The following COX10 variants were observed in gnomAD, a reference collection of about 807,000 sequenced individuals.
COX10 encodes the protein cytochrome c oxidase assembly factor heme A:farnesyltransferase COX10.
In COX10, 27 loss-of-function variants were observed where a neutral mutation model predicts 37.3. The observed-to-expected ratio is 0.72, with a 90% CI of 0.53 to 1.00. The LOEUF (loss-of-function observed/expected upper bound fraction) is 1.00, where lower values mean the gene tolerates loss of function less well. Among genes scored for constraint, COX10 ranks in the 50% least tolerant of loss-of-function variants. COX10 has a pLI of 0.00. For synonymous variants in COX10, 222 were observed against 229.1 expected (o/e 0.97, Z 0.28); for missense variants, 475 against 563.2 (o/e 0.84, Z 1.59).
intron 4 of COX10, 54 bp downstream of exon 4, chr17:14,102,296 C>A: frequency 6.2e-7 from 1 of 1,607,584 alleles, no homozygotes. Context: ...TCCTAGATGG[C>A]TGTATTGTCA....
In COX10 at chr17:14,207,288, A is replaced by G; in HGVS notation, c.*75A>G. On this transcript the variant is annotated 3_prime_UTR_variant, in exon 7 of 7. Coordinates refer to ENST00000261643, the MANE Select transcript of COX10 (RefSeq NM_001303.4). Reference sequence around the variant, plus strand: ...GTTGTGGTAATTCTGGAACACAAGAAGAGAAATTGCTGGGTTTAGAACAAG... The same window carrying G: ...GTTGTGGTAATTCTGGAACACAAGAGGAGAAATTGCTGGGTTTAGAACAAG... The G allele has an allele frequency of 2.1e-6, 3 of 1,452,302 alleles. No homozygotes were observed. Among genetic ancestry groups the G allele is most frequent in the Non-Finnish European group, 2.7e-6 (3 of 1,104,574 alleles). The allele number at this position is 1,452,302 out of a possible 1,614,324, so 90.0% of individuals were successfully genotyped here.
At chr17:14,116,629 A>G (rs187603077) in intron 4 of COX10, among the ~76,000 whole-genome samples, 7 of 147,322 alleles carry the variant, frequency 4.8e-5, no homozygotes, top group Non-Finnish European at 4.5e-5. Flanking sequence ...CCATCAGGAA[A>G]TTATGCTGAT....
intron 3 of COX10, among the ~76,000 whole-genome samples, chr17:14,084,512 T>C (rs991468558): frequency 6.6e-6 from 1 of 152,220 alleles, no homozygotes; most frequent in Non-Finnish European, 1.5e-5. Flanking sequence ...ATGCCTTCTG[T>C]GACTGAAAAA....
intron 4 of COX10, among the ~76,000 whole-genome samples, chr17:14,110,435 TTAATTGAGACA>T (rs1915984630): frequency 6.6e-6 from 1 of 151,946 alleles, no homozygotes; most frequent in South Asian, 2.1e-4. Context: ...AAGCAGATAA[TTAATTGAGACA>T]TAATGGAAAT....
chr17:14,163,214 G>A (rs1905203449), intron 5 of COX10, among the ~76,000 whole-genome samples: 1 of 150,290 alleles, frequency 6.7e-6, no homozygotes, highest in Non-Finnish European at 1.5e-5. Context: ...AAATAACATA[G>A]AAGCATGGCA....
chr17:14,099,052 T>C (rs913433427), intron 3 of COX10, among the ~76,000 whole-genome samples: 11 of 152,180 alleles, frequency 7.2e-5, no homozygotes, highest in African/African-American at 2.7e-4. Context: ...TGACTTCTGA[T>C]TAGCCTCTCG....
At chr17:14,166,455 G>A (rs190217609) in intron 5 of COX10, among the ~76,000 whole-genome samples, 3 of 152,244 alleles carry the variant, frequency 2.0e-5, no homozygotes, top group African/African-American at 7.2e-5. Context: ...GAAACCTGTT[G>A]CTCAGAGGAA....
At position 14,083,986 on chromosome 17, in the gene COX10, C is replaced by G. The variant is rs116935344; in HGVS notation, c.499+6930C>G. Reference sequence around the variant, plus strand: ...CACTGAAATAGATTATTTATTGGAACCAATAGATTATGCTGTTGATGGAAC... The same window carrying G: ...CACTGAAATAGATTATTTATTGGAAGCAATAGATTATGCTGTTGATGGAAC... On this transcript the variant is annotated intron_variant, in intron 3 of 6. Transcript: ENST00000261643. 1.0e-3 allele frequency among the ~76,000 whole-genome samples: 156 copies of G among 152,182 alleles called. 1 individual carries two copies. Among genetic ancestry groups the G allele is most frequent in the African/African-American group, 3.5e-3 (146 of 41,520 alleles).
At chr17:14,084,851 G>A (rs1915374315) in intron 3 of COX10, among the ~76,000 whole-genome samples, 2 of 152,072 alleles carry the variant, frequency 1.3e-5, no homozygotes, top group Admixed American at 1.3e-4. Flanking sequence ...GTAGAGACGG[G>A]GTTTCGCCAT....
intron 5 of COX10, among the ~76,000 whole-genome samples, chr17:14,187,610 A>G (rs1402957442): frequency 3.9e-5 from 6 of 152,210 alleles, no homozygotes; most frequent in African/African-American, 1.4e-4. Context: ...GTGATTTTCT[A>G]GAATTGCCAG....
chr17:14,087,860 A>G (rs573625229), intron 3 of COX10, among the ~76,000 whole-genome samples: 1 of 152,158 alleles, frequency 6.6e-6, no homozygotes, highest in African/African-American at 2.4e-5. Flanking sequence ...GTGCCAAAGT[A>G]TGGTGGCAAT....
rs552157137 is a variant in COX10, at chr17:14,074,600, G to T, written c.177+144G>T. The T allele has an allele frequency of 4.7e-5, 39 of 831,682 alleles. No individual in the cohort carries two copies. In the East Asian group the frequency reaches 9.6e-4, roughly 20 times the overall value. The allele number at this position is 831,682 out of a possible 1,614,324, so 51.5% of individuals were successfully genotyped here. On this transcript the variant is annotated intron_variant, in intron 2 of 6. Transcript: ENST00000261643. ...TTAGTGTCCTTAAATTTATCCAAAT[G>T]TCTTGTTTTGATTATTCTTAACCGA...
At chr17:14,174,307 T>A (rs2856125) in intron 5 of COX10, among the ~76,000 whole-genome samples, 84,863 of 151,480 alleles carry the variant, frequency 0.56, 24,228 homozygotes, top group Non-Finnish European at 0.61. Context: ...AAAATTTTTT[T>A]AAAAAATTAG....
At chr17:14,152,013 C>T (rs1335973966) in intron 4 of COX10, among the ~76,000 whole-genome samples, 1 of 152,098 alleles carries the variant, frequency 6.6e-6, no homozygotes, top group South Asian at 2.1e-4. Flanking sequence ...TATGAATTCA[C>T]ATATCTCAGG....
intron 5 of COX10, among the ~76,000 whole-genome samples, chr17:14,178,696 C>T (rs1905761848): frequency 6.6e-6 from 1 of 152,234 alleles, no homozygotes; most frequent in East Asian, 1.9e-4. Context: ...GCATTTTTCT[C>T]TCTGCATGGC....
chr17:14,116,815 C>T (rs1027197402), intron 4 of COX10, among the ~76,000 whole-genome samples: 4 of 152,146 alleles, frequency 2.6e-5, no homozygotes, highest in African/African-American at 4.8e-5. Flanking sequence ...CTACTTCTAC[C>T]TTCTCCTTCT....
chr17:14,143,469 T>C (rs1238989045), intron 4 of COX10, among the ~76,000 whole-genome samples: 1 of 152,152 alleles, frequency 6.6e-6, no homozygotes, highest in Admixed American at 6.5e-5. Context: ...CAATTTTACC[T>C]AAGCTGAAAT....
chr17:14,137,679 T>C (rs1241530117), intron 4 of COX10, among the ~76,000 whole-genome samples: 3 of 144,492 alleles, frequency 2.1e-5, no homozygotes, highest in Non-Finnish European at 3.1e-5. Flanking sequence ...TTCCGACTCA[T>C]ATATAGGCTT....
chr17:14,168,035 T>C (rs1262101377), intron 5 of COX10, among the ~76,000 whole-genome samples: 1 of 152,178 alleles, frequency 6.6e-6, no homozygotes, highest in Admixed American at 6.5e-5. Flanking sequence ...TAAATCCCTT[T>C]CACCTATGAG....
Sources: allele counts gnomAD v4.1 joint callset (sites outside exome capture counted in the v4.1 genomes callset), GRCh38; gene constraint gnomAD v4.1.1; transcripts MANE v1.5; gene names NCBI Gene and HGNC (gene_info 2026-07-23, HGNC 2026-07-21).